DISP3: variants seen among roughly 807,000 people sequenced by gnomAD.
DISP3 encodes the protein protein dispatched homolog 3.
Under a neutral mutation model 135.3 loss-of-function variants are expected in DISP3, and 101 were observed. That is an observed-to-expected ratio of 0.75 (90% CI 0.64 to 0.88). The LOEUF (loss-of-function observed/expected upper bound fraction) is 0.88, where lower values mean the gene tolerates loss of function less well. Among genes scored for constraint, DISP3 ranks in the 40% least tolerant of loss-of-function variants. The probability of loss-of-function intolerance (pLI) is 0.00; values close to 1 mark genes in which losing one functional copy is unlikely to be tolerated. For synonymous variants in DISP3, 856 were observed against 817.0 expected (o/e 1.05, Z -0.81); for missense variants, 1,713 against 1,878.6 (o/e 0.91, Z 1.63).
chr1:11,530,778 C>A, intron 15 of DISP3, 129 bp from the exon 16 acceptor site: 2 of 1,281,472 alleles, frequency 1.6e-6, no homozygotes, highest in Non-Finnish European at 1.1e-6. Flanking sequence ...CAGTTGCAGG[C>A]TGCCAACATG....
rs1488613379 is a variant in DISP3 at position 11,536,528 on chromosome 1, C to A, written c.4021C>A (p.Leu1341Met). 1 of 1,613,076 alleles carries A rather than the reference C, an allele frequency of 6.2e-7. No individual in the cohort carries two copies. Among genetic ancestry groups the A allele is most frequent in the East Asian group, 2.2e-5 (1 of 44,900 alleles). Residue 1341 changes from leucine to methionine, a missense_variant, in exon 21 of 21, where the codon CTG (leucine) becomes ATG (methionine). This residue lies in a region of DISP3 where 1,142 missense variants were observed against 1,384.6 expected (regional missense o/e 0.82). Coordinates refer to ENST00000294484, the MANE Select transcript of DISP3 (RefSeq NM_020780.2). This position sits in a 1 kb window ranked among gnomAD's most constrained non-coding sequence, Gnocchi z 4.3. The part of the protein sequence containing the change: ...LYTLTVSTAL[L>M]GIMAPSSFTR... ...CACGCTGACCGTCAGCACCGCCCTG[C>A]TGGGCATCATGGCGCCCAGCTCTTT...
chr1:11,479,171 A>C lies in DISP3; in HGVS notation c.-205A>C, dbSNP rs145785100. On this transcript the variant is annotated 5_prime_UTR_variant, in exon 1 of 21. Transcript: ENST00000294484. ...GGAGTGCTCGGGTTGCGAGCTGAGG[A>C]CTGGGATTCGCGCGCAGCTTCCCGC... 1.9e-5 allele frequency: 3 copies of C among 156,374 alleles called. No individual in the cohort carries two copies. The highest frequency in any genetic ancestry group is 4.4e-5 in the Non-Finnish European group (3 of 68,166). The allele number at this position is 156,374 out of a possible 1,614,324, so 9.7% of individuals were successfully genotyped here. A position where few individuals can be genotyped will look rare whatever the true frequency, so the allele number is the denominator to read the frequency against.
intron 18 of DISP3, 182 bp from the exon 19 acceptor site, chr1:11,534,829 G>T (rs997123406): frequency 3.9e-6 from 3 of 776,118 alleles, no homozygotes; most frequent in African/African-American, 3.4e-5. Flanking sequence ...CTAGGCTCCG[G>T]GCTGAGGGCC....
Position 11,536,259 on chromosome 1 carries a change from C to T in DISP3, c.3817-65C>T. The T allele has an allele frequency of 6.5e-7, 1 of 1,535,828 alleles. No individual in the cohort carries two copies. The highest frequency in any genetic ancestry group is 8.7e-7 in the Non-Finnish European group (1 of 1,148,282). ...TGGCGTGGGGTGGGGGTGCGTGATT[C>T]CCCAGGTGCTGGCCAGAGGGGTCCC... On this transcript the variant is annotated intron_variant, in intron 20 of 20. Coordinates refer to ENST00000294484, the MANE Select transcript of DISP3 (RefSeq NM_020780.2). This position sits in a 1 kb window ranked among gnomAD's most constrained non-coding sequence, Gnocchi z 4.3.
chr1:11,488,598 G>A (rs1641100060), intron 1 of DISP3, among the ~76,000 whole-genome samples: 1 of 152,014 alleles, frequency 6.6e-6, no homozygotes, highest in Non-Finnish European at 1.5e-5. Flanking sequence ...AGCCAGCGCT[G>A]TACCTAAGCT....
rs772039308 is a variant in DISP3, at chr1:11,517,390, T to C, written c.1750-73T>C. Reference sequence around the variant, plus strand: ...ATCTGGGGTCCTGAGTGTCTCTGGCTGCAGGGGGCACCCAGGCCCCCTGAC... The same window carrying C: ...ATCTGGGGTCCTGAGTGTCTCTGGCCGCAGGGGGCACCCAGGCCCCCTGAC... On this transcript the variant is annotated intron_variant, in intron 6 of 20. Coordinates refer to ENST00000294484, the MANE Select transcript of DISP3 (RefSeq NM_020780.2). 1.5e-5 allele frequency: 23 copies of C among 1,579,878 alleles called. No individual in the cohort carries two copies. The East Asian group carries it at 5.0e-4, about 34-fold the overall frequency.
At chr1:11,489,380 G>A (rs577133906) in intron 1 of DISP3, among the ~76,000 whole-genome samples, 3 of 152,358 alleles carry the variant, frequency 2.0e-5, no homozygotes, top group Admixed American at 6.5e-5. Context: ...CAAGCCTTCC[G>A]CAGAGCTAGG....
chr1:11,496,110 C>CT (rs1553152585), intron 1 of DISP3, among the ~76,000 whole-genome samples: 36 of 150,104 alleles, frequency 2.4e-4, no homozygotes, highest in East Asian at 7.8e-4. Flanking sequence ...TATAGATGTG[C>CT]GTTTTTTTTT....
At chr1:11,510,917 C>T (rs1051560409) in intron 3 of DISP3, among the ~76,000 whole-genome samples, 10 of 152,180 alleles carry the variant, frequency 6.6e-5, no homozygotes, top group Admixed American at 6.5e-4. Flanking sequence ...AGAATCATGG[C>T]AGGAGGCAAA....
At chr1:11,487,397 G>A (rs758643811) in intron 1 of DISP3, among the ~76,000 whole-genome samples, 1 of 152,214 alleles carries the variant, frequency 6.6e-6, no homozygotes, top group African/African-American at 2.4e-5. Flanking sequence ...GTAATGGGGC[G>A]GCTGCCACCG....
intron 1 of DISP3, among the ~76,000 whole-genome samples, chr1:11,484,567 CAG>C (rs1233362091): frequency 2.0e-5 from 3 of 152,186 alleles, no homozygotes; most frequent in Non-Finnish European, 2.9e-5. Flanking sequence ...TCCCTGAACT[CAG>C]GGGAGAGAAG....
At position 11,502,763 on chromosome 1, in the gene DISP3, C is replaced by T. The variant is rs372348817; in HGVS notation, c.1182C>T (p.Leu394=). Residue 394 remains leucine, a synonymous_variant, in exon 3 of 21, where the codon CTC becomes CTT. Transcript: ENST00000294484. ...CTGCAGACAATCTGAAGAGCTCCCT[C>T]CTGCGCAGTGAGATCCTGTTTGGAG... is the stretch of plus-strand genomic sequence containing the variant. ...GLSADNLKSS[L]LRSEILFGAP... 1 of 1,614,210 alleles carries T rather than the reference C, an allele frequency of 6.2e-7. No homozygotes were observed. Among genetic ancestry groups the T allele is most frequent in the Admixed American group, 1.7e-5 (1 of 60,026 alleles).
rs1279132186 is a variant in DISP3 at position 11,499,843 on chromosome 1, G to C, written c.-3-1147G>C. Among the ~76,000 whole-genome samples the C allele has an allele frequency of 6.6e-6, 1 of 152,162 alleles. No individual in the cohort carries two copies. The highest frequency in any genetic ancestry group is 2.4e-5 in the African/African-American group (1 of 41,416). On this transcript the variant is annotated intron_variant, in intron 1 of 20. Transcript: ENST00000294484. The surrounding 1 kb of genome is among the most constrained non-coding windows in gnomAD (Gnocchi z 5.2). ...CTCTTCCTGGACAGATCATCTAATT[G>C]AAATGGAGCACTCCAAAGAATGTTA... is the stretch of plus-strand genomic sequence containing the variant.
Position 11,525,234 on chromosome 1 carries a change from C to T in DISP3, c.2535C>T (p.Tyr845=), listed in dbSNP as rs1430943106. 1.9e-6 allele frequency: 3 copies of T among 1,614,128 alleles called. No individual in the cohort carries two copies. The highest frequency in any genetic ancestry group is 2.2e-5 in the South Asian group (2 of 91,086). The change falls in exon 12 of 21, where the codon TAC becomes TAT. Residue 845 remains tyrosine (Y), a synonymous_variant. Coordinates refer to ENST00000294484, the MANE Select transcript of DISP3 (RefSeq NM_020780.2). ...KVKSQGHPAV[Y]RLSLNASLPA... is the part of the protein sequence containing the mutation. ...AGAGTCAAGGCCACCCCGCTGTCTA[C>T]AGGCTCTCCCTCAATGCCAGCCTGC...
chr1:11,497,247 G>A (rs993324386), intron 1 of DISP3, among the ~76,000 whole-genome samples: 2 of 152,082 alleles, frequency 1.3e-5, no homozygotes, highest in Non-Finnish European at 2.9e-5. Flanking sequence ...GGGTACAGGT[G>A]GTACTTGGTT....
chr1:11,501,475 C>A lies in DISP3; in HGVS notation c.483C>A (p.Leu161=). 6.2e-7 allele frequency: 1 copy of A among 1,605,114 alleles called. No individual in the cohort carries two copies. The highest frequency in any genetic ancestry group is 1.1e-5 in the South Asian group (1 of 90,300). ...LISEQLQQLH[L]GNRSRQASRA... ...CAGAGCAGCTGCAGCAGCTGCATCTCGGCAACCGCTCGCGGCAAGCCTCCC... is the reference window on the plus strand; with the variant it reads ...CAGAGCAGCTGCAGCAGCTGCATCTAGGCAACCGCTCGCGGCAAGCCTCCC... Residue 161 remains leucine, a synonymous_variant, in exon 2 of 21, where the codon CTC becomes CTA. Transcript: ENST00000294484. The surrounding 1 kb of genome is among the most constrained non-coding windows in gnomAD (Gnocchi z 4.9).
chr1:11,504,622 A>G (rs1264730356), intron 3 of DISP3, among the ~76,000 whole-genome samples: 1 of 152,186 alleles, frequency 6.6e-6, no homozygotes, highest in East Asian at 1.9e-4. Flanking sequence ...GGAGTGAGCT[A>G]GTTCTCACTC....
chr1:11,529,850 A>C lies in DISP3; in HGVS notation c.2993A>C (p.Lys998Thr). ...FNPCVNTGCG[K>T]PAVRPLVDTG... ...CCCTGCGTGAACACGGGCTGCGGGA[A>C]GCCGGCGGTGCGGCCACTAGTGGAT... Residue 998 changes from lysine to threonine, a missense_variant, in exon 15 of 21, where the codon AAG becomes ACG. By Grantham distance (78) the Lys-to-Thr change is moderately conservative. Transcript: ENST00000294484. This position sits in a 1 kb window ranked among gnomAD's most constrained non-coding sequence, Gnocchi z 4.7. 6.2e-7 allele frequency: 1 copy of C among 1,614,038 alleles called. No homozygotes were observed. The highest frequency in any genetic ancestry group is 8.5e-7 in the Non-Finnish European group (1 of 1,180,024).
At chr1:11,500,905 G>T in intron 1 of DISP3, 85 bp from the exon 2 acceptor site, 1 of 1,453,606 alleles carries the variant, frequency 6.9e-7, no homozygotes, top group Non-Finnish European at 9.4e-7. Context: ...GGACAGGGTT[G>T]GTACCTAGGG....
Sources: allele counts gnomAD v4.1 joint callset (sites outside exome capture counted in the v4.1 genomes callset), GRCh38; gene constraint gnomAD v4.1.1; regional missense constraint gnomAD v4.1.1; non-coding constraint Gnocchi (gnomAD v3.1); transcripts MANE v1.5; gene names NCBI Gene and HGNC (gene_info 2026-07-23, HGNC 2026-07-21).